GPR139: variants seen among roughly 807,000 people sequenced by gnomAD.
GPR139 encodes G protein-coupled receptor 139.
GPR139 carries 12 observed loss-of-function variants against 25.8 expected under a neutral mutation model. The ratio of observed to expected loss-of-function variants is 0.47; its 90% CI spans 0.30 to 0.75. GPR139 has a LOEUF of 0.75. GPR139 is among the 30% of genes least tolerant of loss of function. The pLI is 0.07. For missense variants in GPR139, 380 were observed against 450.2 expected, an observed-to-expected ratio of 0.84 and a Z score of 1.41; for synonymous variants, 184 against 179.9, an observed-to-expected ratio of 1.02 and a Z score of -0.18.
At position 20,032,560 on chromosome 16, in the gene GPR139, G is replaced by T; in HGVS notation, c.237C>A (p.Phe79Leu). 1 of 1,614,164 alleles carries T rather than the reference G, an allele frequency of 6.2e-7. No homozygotes were observed. The highest frequency in any genetic ancestry group is 2.2e-5 in the East Asian group (1 of 44,884). The change falls in exon 2 of 2, where the codon TTC becomes TTA. Residue 79 changes from phenylalanine to leucine, a missense_variant. Phe to Leu is a conservative substitution (Grantham distance 22). Coordinates refer to ENST00000570682, the MANE Select transcript of GPR139 (RefSeq NM_001002911.4). ...LAAADILVLF[F>L]IVFVDFLLED... Reference sequence around the variant, plus strand: ...CCAACAGGAAGTCCACAAACACTATGAAAAAGAGGACCAAGATGTCGGCAG... The same window carrying T: ...CCAACAGGAAGTCCACAAACACTATTAAAAAGAGGACCAAGATGTCGGCAG...
chr16:20,056,369 G>A (rs1181586140), intron 1 of GPR139, among the ~76,000 whole-genome samples: 1 of 152,234 alleles, frequency 6.6e-6, no homozygotes, highest in Admixed American at 6.5e-5. Context: ...TATGGCACAA[G>A]TAGCTATCAC....
At position 20,028,269 on chromosome 16, in the gene GPR139, A is replaced by G. The variant is rs1215715163; in HGVS notation, c.*3466T>C. 6.6e-6 allele frequency among the ~76,000 whole-genome samples: 1 copy of G among 152,220 alleles called. No homozygotes were observed. The highest frequency in any genetic ancestry group is 1.5e-5 in the Non-Finnish European group (1 of 68,034). On this transcript the variant is annotated 3_prime_UTR_variant, in exon 2 of 2. Transcript: ENST00000570682. ...TAATTTAGCTTGATTTAATTATTCC[A>G]CATTGTATACATATATCAAAACATC...
intron 1 of GPR139, among the ~76,000 whole-genome samples, chr16:20,064,855 C>A (rs1022879870): frequency 6.6e-6 from 1 of 152,204 alleles, no homozygotes; most frequent in Non-Finnish European, 1.5e-5. Context: ...TCTAAGGACA[C>A]TTCCTGTTCC....
rs151131755 is a variant in GPR139, at chr16:20,050,448, G to C, written c.128-17779C>G. Among the ~76,000 whole-genome samples, 449 of 152,294 alleles carry C rather than the reference G, an allele frequency of 2.9e-3. 4 individuals are homozygous for C. Among genetic ancestry groups the C allele is most frequent in the Middle Eastern group, 0.02 (6 of 294 alleles). ...CATCTGTAAGATTTCTGAATTAGTT[G>C]CTGTATTTATAAACTGGAGTATTTC... On this transcript the variant is annotated intron_variant, in intron 1 of 1. Coordinates refer to ENST00000570682, the MANE Select transcript of GPR139 (RefSeq NM_001002911.4).
intron 1 of GPR139, among the ~76,000 whole-genome samples, chr16:20,034,613 C>T (rs2141200720): frequency 6.6e-6 from 1 of 152,254 alleles, no homozygotes; most frequent in South Asian, 2.1e-4. Context: ...AATCATGGTG[C>T]TTTACATCTT....
At chr16:20,060,783 C>T (rs2057410028) in intron 1 of GPR139, among the ~76,000 whole-genome samples, 2 of 152,162 alleles carry the variant, frequency 1.3e-5, no homozygotes, top group Non-Finnish European at 2.9e-5. Flanking sequence ...ACTCCAGACA[C>T]TCTGACCCTC....
At chr16:20,036,399 G>T (rs528709556) in intron 1 of GPR139, among the ~76,000 whole-genome samples, 1 of 152,216 alleles carries the variant, frequency 6.6e-6, no homozygotes, top group African/African-American at 2.4e-5. Context: ...TATAAAATGG[G>T]GTTAATAGTC....
chr16:20,031,376 T>A lies in GPR139; in HGVS notation c.*359A>T, dbSNP rs533830782. 5.1e-5 allele frequency: 13 copies of A among 257,166 alleles called. No individual in the cohort carries two copies. In the East Asian group the frequency reaches 9.8e-4, roughly 19 times the overall value. 15.9% of individuals were successfully genotyped at this position (257,166 alleles called of 1,614,324 possible). On this transcript the variant is annotated 3_prime_UTR_variant, in exon 2 of 2. Coordinates refer to ENST00000570682, the MANE Select transcript of GPR139 (RefSeq NM_001002911.4). ...TGCTACTGGGGCTTGGTAAGTCCCA[T>A]AAATGAAGGGTTCCCAGTGACTGTG... is the stretch of plus-strand genomic sequence containing the variant.
At position 20,029,493 on chromosome 16, in the gene GPR139, A is replaced by C. The variant is rs948871087; in HGVS notation, c.*2242T>G. Among the ~76,000 whole-genome samples, 1 of 150,428 alleles carries C rather than the reference A, an allele frequency of 6.6e-6. No individual in the cohort carries two copies. Among genetic ancestry groups the C allele is most frequent in the Non-Finnish European group, 1.5e-5 (1 of 67,694 alleles). ...AAAAAATAAATAAATAAATATATAT[A>C]TATATATATATTCAGTATAGGTAGC... On this transcript the variant is annotated 3_prime_UTR_variant, in exon 2 of 2. Transcript: ENST00000570682.
At chr16:20,063,002 T>C (rs2057419258) in intron 1 of GPR139, among the ~76,000 whole-genome samples, 2 of 152,258 alleles carry the variant, frequency 1.3e-5, no homozygotes, top group African/African-American at 2.4e-5. Context: ...TAGATTCACA[T>C]ACTCAAGTTG....
intron 1 of GPR139, among the ~76,000 whole-genome samples, chr16:20,058,884 TGGGA>T (rs2057400732): frequency 6.6e-6 from 1 of 152,230 alleles, no homozygotes; most frequent in South Asian, 2.1e-4. Flanking sequence ...CTGCTACGAC[TGGGA>T]GGATCACTCT....
At chr16:20,038,344 T>TGC (rs1203689302) in intron 1 of GPR139, among the ~76,000 whole-genome samples, 1 of 107,226 alleles carries the variant, frequency 9.3e-6, no homozygotes, top group East Asian at 2.3e-4. Flanking sequence ...TGTGTGTGTG[T>TGC]GTGTGTGTGT....
In GPR139 at chr16:20,031,901, G is replaced by T. The variant is rs767531379; in HGVS notation, c.896C>A (p.Thr299Lys). ...CTGGCACTTGAAGAAAGCCTTGAGC[G>T]TGGCGGCTGCCATGGTGCGGAACCG... ...SKRFRTMAAATLKAFFKCQKQ... is the reference protein window; with the variant it reads ...SKRFRTMAAAKLKAFFKCQKQ... Residue 299 changes from threonine (T) to lysine (K), a missense_variant, in exon 2 of 2, where the codon ACG becomes AAG. Thr to Lys is a moderately conservative substitution (Grantham distance 78). Coordinates refer to ENST00000570682, the MANE Select transcript of GPR139 (RefSeq NM_001002911.4). 3.7e-6 allele frequency: 6 copies of T among 1,614,106 alleles called. No individual in the cohort carries two copies. Among genetic ancestry groups the T allele is most frequent in the East Asian group, 2.2e-5 (1 of 44,894 alleles).
At position 20,071,900 on chromosome 16, in the gene GPR139, G is replaced by A. The variant is rs143494621; in HGVS notation, c.127+1590C>T. Among the ~76,000 whole-genome samples, 94 of 152,240 alleles carry A rather than the reference G, an allele frequency of 6.2e-4. 1 individual carries two copies. Among genetic ancestry groups the A allele is most frequent in the African/African-American group, 2.0e-3 (85 of 41,524 alleles). On this transcript the variant is annotated intron_variant, in intron 1 of 1. Transcript: ENST00000570682. ...TGAGTGGCTATCTCACTCAGTAGAG[G>A]AGGTGCAAGGGTGGGTGGATTGTTG...
intron 1 of GPR139, among the ~76,000 whole-genome samples, chr16:20,040,539 T>C (rs1308185766): frequency 6.6e-6 from 1 of 152,242 alleles, no homozygotes; most frequent in African/African-American, 2.4e-5. Context: ...ACGTTACTTA[T>C]TATGACTATT....
chr16:20,041,084 T>C (rs1286193289), intron 1 of GPR139, among the ~76,000 whole-genome samples: 3 of 136,218 alleles, frequency 2.2e-5, no homozygotes, highest in East Asian at 4.4e-4. Flanking sequence ...CACTCCAGCC[T>C]GGGCGACAGA....
At chr16:20,041,614 C>T (rs1421170547) in intron 1 of GPR139, among the ~76,000 whole-genome samples, 1 of 152,110 alleles carries the variant, frequency 6.6e-6, no homozygotes, top group Admixed American at 6.5e-5. Context: ...AGTCTTTTAG[C>T]TTCTGCAGAA....
intron 1 of GPR139, among the ~76,000 whole-genome samples, chr16:20,052,486 G>C (rs1344368229): frequency 6.6e-6 from 1 of 152,202 alleles, no homozygotes; most frequent in Non-Finnish European, 1.5e-5. Context: ...TTCCAGAAGG[G>C]AAGTAATCTT....
At chr16:20,061,894 A>G (rs902438988) in intron 1 of GPR139, among the ~76,000 whole-genome samples, 3 of 152,232 alleles carry the variant, frequency 2.0e-5, no homozygotes, top group Non-Finnish European at 1.5e-5. Flanking sequence ...ATTTGGGGTC[A>G]AGGCCCAGCT....
Sources: allele counts gnomAD v4.1 joint callset (sites outside exome capture counted in the v4.1 genomes callset), GRCh38; gene constraint gnomAD v4.1.1; transcripts MANE v1.5; gene names NCBI Gene and HGNC (gene_info 2026-07-23, HGNC 2026-07-21).